SI: variants seen among roughly 807,000 people sequenced by gnomAD.
The protein encoded by SI is sucrase-isomaltase, intestinal.
SI carries 235 observed loss-of-function variants against 253.3 expected under a neutral mutation model. The ratio of observed to expected loss-of-function variants is 0.93; its 90% CI spans 0.83 to 1.03. SI has a LOEUF of 1.03. Ranked by LOEUF, SI falls within the 50% of genes least tolerant of loss-of-function variation. The pLI is 0.00. For synonymous variants in SI, 819 were observed against 712.0 expected, an observed-to-expected ratio of 1.15 and a Z score of -2.39; for missense variants, 2,442 against 2,211.1, an observed-to-expected ratio of 1.10 and a Z score of -2.09.
intron 13 of SI, among the ~76,000 whole-genome samples, chr3:165,053,008 TAAC>T (rs1476635254): frequency 1.3e-5 from 2 of 151,818 alleles, no homozygotes; most frequent in African/African-American, 2.4e-5. Context: ...AGAACCAAAA[TAAC>T]AACAATGATA....
chr3:165,050,099 T>A (rs577731242), intron 13 of SI, among the ~76,000 whole-genome samples: 81 of 152,270 alleles, frequency 5.3e-4, no homozygotes, highest in African/African-American at 1.9e-3. Flanking sequence ...ATGTAGTTCA[T>A]GTGTCTAGTT....
intron 40 of SI, among the ~76,000 whole-genome samples, 154 bp downstream of exon 40, chr3:164,996,381 A>G (rs772602782): frequency 9.2e-5 from 14 of 151,876 alleles, no homozygotes; most frequent in Middle Eastern, 3.4e-3. Flanking sequence ...CTCCCCAGAT[A>G]CTCAAAAAAA....
Position 165,059,062 on chromosome 3 carries a change from A to G in SI, c.1299T>C (p.Gly433=), listed in dbSNP as rs1181150626. 2.5e-6 allele frequency: 4 copies of G among 1,612,442 alleles called. No individual in the cohort carries two copies. The highest frequency in any genetic ancestry group is 1.1e-5 in the South Asian group (1 of 91,042). ...VIILDPAISI[G]RRANGTTYAT... ...CATATGTTGTTCCATTGGCACGTCG[A>G]CCTATGGAAATTGCAGGGTCCTAAT... The change falls in exon 12 of 48, where the codon GGT becomes GGC. Residue 433 remains glycine (G), a synonymous_variant. Coordinates refer to ENST00000264382, the MANE Select transcript of SI (RefSeq NM_001041.4).
At chr3:165,018,545 A>T (rs1719152470) in intron 28 of SI, among the ~76,000 whole-genome samples, 1 of 150,582 alleles carries the variant, frequency 6.6e-6, no homozygotes, top group African/African-American at 2.4e-5. Context: ...TTTTATATTT[A>T]TAGAACATTT....
chr3:164,998,493 C>A, intron 38 of SI, 47 bp downstream of exon 38: 3 of 1,596,914 alleles, frequency 1.9e-6, no homozygotes, highest in Non-Finnish European at 2.6e-6. Context: ...AAGTGAGTAT[C>A]TAATAGAAAA....
chr3:165,049,184 C>T lies in SI; in HGVS notation c.1658G>A (p.Gly553Asp). The T allele has an allele frequency of 1.9e-6, 3 of 1,612,570 alleles. No homozygotes were observed. Among genetic ancestry groups the T allele is most frequent in the Non-Finnish European group, 2.5e-6 (3 of 1,178,918 alleles). ...GAGGCTATGAACATCATACTGTTTACCCCAGTTCTGCACAGCATCCATGCA... is the reference window on the plus strand; with the variant it reads ...GAGGCTATGAACATCATACTGTTTATCCCAGTTCTGCACAGCATCCATGCA... ...TICMDAVQNW[G>D]KQYDVHSLYG... The change falls in exon 15 of 48, where the codon GGT becomes GAT. Residue 553 changes from glycine to aspartate, a missense_variant. Transcript: ENST00000264382.
chr3:165,085,025 C>G, the SI span, among the ~76,000 whole-genome samples: 1 of 152,030 alleles, frequency 6.6e-6, no homozygotes, highest in Non-Finnish European at 1.5e-5. Flanking sequence ...CTAAAACCAG[C>G]TTAGAAACTT....
intron 8 of SI, 76 bp downstream of exon 8, chr3:165,063,366 A>ATGAT: frequency 1.4e-6 from 1 of 728,554 alleles, no homozygotes; most frequent in Non-Finnish European, 2.5e-6. Context: ...TACAATATGA[A>ATGAT]TGATTGAAAT....
intron 41 of SI, among the ~76,000 whole-genome samples, chr3:164,992,900 T>C (rs1717832571): frequency 6.6e-6 from 1 of 151,816 alleles, no homozygotes; most frequent in Non-Finnish European, 1.5e-5. Flanking sequence ...GAATTTGAGA[T>C]GCAAATGGCT....
rs11313475 is a variant in SI at position 165,068,841 on chromosome 3, T to TA, written c.374-11dup. On this transcript the variant is annotated splice_polypyrimidine_tract_variant and intron_variant, in intron 4 of 47. Coordinates refer to ENST00000264382, the MANE Select transcript of SI (RefSeq NM_001041.4). ...AATTTGGCTTCAACTCCTTAAAGAA[T>TA]AAAAAAAAGCTGCCATGAGTGACTT... 3.3e-5 allele frequency: 50 copies of TA among 1,525,954 alleles called. No individual in the cohort carries two copies. Among genetic ancestry groups the TA allele is most frequent in the African/African-American group, 1.9e-4 (14 of 73,072 alleles). 94.5% of individuals were successfully genotyped at this position (1,525,954 alleles called of 1,614,324 possible).
At chr3:165,041,952 C>G (rs1277254132) in intron 17 of SI, among the ~76,000 whole-genome samples, 7 of 152,084 alleles carry the variant, frequency 4.6e-5, no homozygotes, top group Non-Finnish European at 8.8e-5. Context: ...TCCCCACTCA[C>G]TTGATTGAAA....
At chr3:164,998,321 C>G (rs922009902) in intron 38 of SI, among the ~76,000 whole-genome samples, 2 of 151,760 alleles carry the variant, frequency 1.3e-5, no homozygotes, top group Non-Finnish European at 2.9e-5. Flanking sequence ...AACAATGACA[C>G]CATTTCCTCA....
intron 21 of SI, among the ~76,000 whole-genome samples, 198 bp from the exon 22 acceptor site, chr3:165,036,675 T>C (rs571289113): frequency 2.0e-4 from 30 of 151,958 alleles, no homozygotes; most frequent in South Asian, 1.2e-3. Context: ...AAATAATTTA[T>C]ACATGTAGAA....
In SI at chr3:165,059,921, C is replaced by T. The variant is rs765746928; in HGVS notation, c.1127G>A (p.Arg376Gln). Residue 376 changes from arginine (R) to glutamine (Q), a missense_variant, in exon 10 of 48, where the codon CGG becomes CAG. Transcript: ENST00000264382. ...ACTTACAAATGGTATGCCAGCTTCC[C>T]GGTTTCTCCTTACCACTTCTTTCAC... ...DVVKEVVRRNREAGIPFDTQV... is the reference protein window; with the variant it reads ...DVVKEVVRRNQEAGIPFDTQV... 23 of 1,611,710 alleles carry T rather than the reference C, an allele frequency of 1.4e-5. No homozygotes were observed. The highest frequency in any genetic ancestry group is 1.8e-5 in the Non-Finnish European group (21 of 1,178,408).
At chr3:165,052,694 A>T (rs1237172040) in intron 13 of SI, among the ~76,000 whole-genome samples, 2 of 152,082 alleles carry the variant, frequency 1.3e-5, no homozygotes, top group Non-Finnish European at 2.9e-5. Context: ...GTTTCTGAGA[A>T]TGTACCTCAA....
At chr3:165,005,720 G>A (rs1026406314) in intron 37 of SI, among the ~76,000 whole-genome samples, 2 of 151,904 alleles carry the variant, frequency 1.3e-5, no homozygotes, top group East Asian at 3.9e-4. Context: ...GTACCACATT[G>A]GCACCCAGAA....
intron 2 of SI, among the ~76,000 whole-genome samples, chr3:165,075,431 T>C (rs1714892068): frequency 6.6e-6 from 1 of 151,980 alleles, no homozygotes; most frequent in Non-Finnish European, 1.5e-5. Context: ...TCCAAGTCTT[T>C]TTTCAACTTT....
intron 21 of SI, 113 bp downstream of exon 21, chr3:165,037,787 G>A: frequency 1.3e-6 from 1 of 762,036 alleles, no homozygotes; most frequent in Non-Finnish European, 2.3e-6. Flanking sequence ...ACCTCTGTAT[G>A]TCAAATATCT....
intron 32 of SI, 94 bp from the exon 33 acceptor site, chr3:165,015,327 A>G (rs1203070284): frequency 1.4e-5 from 11 of 797,622 alleles, no homozygotes; most frequent in Non-Finnish European, 1.3e-5. Flanking sequence ...TTACTACATT[A>G]TCATAATAAT....
Sources: allele counts gnomAD v4.1 joint callset (sites outside exome capture counted in the v4.1 genomes callset), GRCh38; gene constraint gnomAD v4.1.1; transcripts MANE v1.5; gene names NCBI Gene and HGNC (gene_info 2026-07-23, HGNC 2026-07-21).